The following BRINP3 variants were observed in gnomAD, a reference collection of about 807,000 sequenced individuals.
The protein encoded by BRINP3 is BMP/retinoic acid inducible neural specific 3.
A neutral mutation model predicts 71.0 loss-of-function variants in BRINP3; 19 were observed. The observed-to-expected ratio is 0.27, with a 90% confidence interval of 0.19 to 0.39. The LOEUF is 0.39. Ranked by LOEUF, BRINP3 falls within the 10% of genes least tolerant of loss-of-function variation. BRINP3 has a pLI of 1.00. For missense variants in BRINP3, 959 were observed against 940.8 expected, an observed-to-expected ratio of 1.02 and a Z score of -0.25; for synonymous variants, 380 against 337.7, an observed-to-expected ratio of 1.13 and a Z score of -1.37.
intron 2 of BRINP3, among the ~76,000 whole-genome samples, chr1:190,425,955 T>A (rs1244055966): frequency 6.6e-6 from 1 of 151,824 alleles, no homozygotes; most frequent in Non-Finnish European, 1.5e-5. Flanking sequence ...GCATTTTATT[T>A]TTAATCAGCA....
intron 6 of BRINP3, among the ~76,000 whole-genome samples, chr1:190,212,200 G>A (rs866086381): frequency 3.9e-5 from 6 of 151,938 alleles, no homozygotes; most frequent in Admixed American, 1.3e-4. Context: ...CCCATGAGAA[G>A]GCAATTATAT....
intron 2 of BRINP3, among the ~76,000 whole-genome samples, chr1:190,450,059 G>T (rs995579262): frequency 6.6e-6 from 1 of 152,002 alleles, no homozygotes; most frequent in Non-Finnish European, 1.5e-5. Flanking sequence ...ATTACATGGG[G>T]CATCCTTATT....
chr1:190,320,536 T>A (rs1666170168), intron 2 of BRINP3, among the ~76,000 whole-genome samples: 1 of 152,100 alleles, frequency 6.6e-6, no homozygotes. Flanking sequence ...TATTCATTCA[T>A]TCATTCATTT....
At chr1:190,442,071 T>C (rs1674860717) in intron 2 of BRINP3, among the ~76,000 whole-genome samples, 1 of 152,148 alleles carries the variant, frequency 6.6e-6, no homozygotes, top group African/African-American at 2.4e-5. Flanking sequence ...CCCTAAATCC[T>C]GAAACGATCA....
At chr1:190,187,499 T>C (rs1255352684) in intron 6 of BRINP3, among the ~76,000 whole-genome samples, 2 of 152,098 alleles carry the variant, frequency 1.3e-5, no homozygotes, top group African/African-American at 4.8e-5. Flanking sequence ...CTCCTATTAG[T>C]TTCATAATTT....
intron 1 of BRINP3, among the ~76,000 whole-genome samples, chr1:190,471,657 G>C (rs992378483): frequency 1.3e-5 from 2 of 151,280 alleles, no homozygotes; most frequent in Non-Finnish European, 3.0e-5. Flanking sequence ...ACTGTCTAAA[G>C]TTTCTCCATT....
rs10920704 is a variant in BRINP3, at chr1:190,361,610, G to T, written c.237-79860C>A. Among the ~76,000 whole-genome samples, 13 of 152,054 alleles carry T rather than the reference G, an allele frequency of 8.5e-5. No homozygotes were observed. In the East Asian group the frequency reaches 1.9e-3, roughly 23 times the overall value. ...TGGAGACAGGGTTTTCACCATGTTT[G>T]CCAGGATGGTCTCAATCTCTTGACC... On this transcript the variant is annotated intron_variant, in intron 2 of 7. Coordinates refer to ENST00000367462, the MANE Select transcript of BRINP3 (RefSeq NM_199051.3).
chr1:190,119,437 G>A lies in BRINP3; in HGVS notation c.1185-20303C>T, dbSNP rs531718855. Among the ~76,000 whole-genome samples the A allele has an allele frequency of 1.8e-3, 270 of 151,916 alleles. 1 individual carries two copies. Among genetic ancestry groups the A allele is most frequent in the African/African-American group, 6.1e-3 (255 of 41,464 alleles). On this transcript the variant is annotated intron_variant, in intron 7 of 7. Coordinates refer to ENST00000367462, the MANE Select transcript of BRINP3 (RefSeq NM_199051.3). ...ATTACAGGCACATGCCACCATGCCC[G>A]GCTAATTTTTCTATTTTTAGTAGAG...
chr1:190,200,175 C>A (rs1375688644), intron 6 of BRINP3, among the ~76,000 whole-genome samples: 3 of 152,112 alleles, frequency 2.0e-5, no homozygotes, highest in Non-Finnish European at 2.9e-5. Flanking sequence ...TTTGGAAAGA[C>A]AGATTTTGAG....
At chr1:190,425,871 C>A (rs1266818931) in intron 2 of BRINP3, among the ~76,000 whole-genome samples, 1 of 151,758 alleles carries the variant, frequency 6.6e-6, no homozygotes, top group East Asian at 1.9e-4. Flanking sequence ...ATCTTCCTCT[C>A]TAACGGTATT....
intron 6 of BRINP3, among the ~76,000 whole-genome samples, chr1:190,173,512 C>G (rs1652214129): frequency 6.6e-6 from 1 of 152,114 alleles, no homozygotes; most frequent in Non-Finnish European, 1.5e-5. Flanking sequence ...AGCACTGGCA[C>G]TACCACTTCA....
At chr1:190,174,719 T>C (rs1179303492) in intron 6 of BRINP3, among the ~76,000 whole-genome samples, 2 of 152,242 alleles carry the variant, frequency 1.3e-5, no homozygotes, top group East Asian at 1.9e-4. Context: ...GAGTTTAATA[T>C]GTAATGTTTC....
intron 7 of BRINP3, among the ~76,000 whole-genome samples, chr1:190,128,382 GTTAT>G (rs1473366871): frequency 1.3e-5 from 2 of 151,670 alleles, no homozygotes; most frequent in East Asian, 1.9e-4. Context: ...ATTACAATGT[GTTAT>G]TTAACTGACA....
chr1:190,378,120 C>G (rs931872278), intron 2 of BRINP3, among the ~76,000 whole-genome samples: 1 of 152,040 alleles, frequency 6.6e-6, no homozygotes, highest in Admixed American at 6.6e-5. Context: ...ACCTCAAAAC[C>G]TACTTCAAAG....
intron 2 of BRINP3, among the ~76,000 whole-genome samples, chr1:190,348,511 C>T (rs1292416869): frequency 6.6e-6 from 1 of 152,054 alleles, no homozygotes; most frequent in Non-Finnish European, 1.5e-5. Context: ...TCTGTCTGTG[C>T]TTATATGTCT....
chr1:190,192,214 C>T (rs556275868), intron 6 of BRINP3, among the ~76,000 whole-genome samples: 16 of 151,950 alleles, frequency 1.1e-4, no homozygotes, highest in Non-Finnish European at 1.9e-4. Flanking sequence ...TTAAAAAAGG[C>T]TTAAGCATGT....
chr1:190,395,213 A>C (rs1481427202), intron 2 of BRINP3, among the ~76,000 whole-genome samples: 1 of 151,738 alleles, frequency 6.6e-6, no homozygotes, highest in East Asian at 1.9e-4. Flanking sequence ...TTATTTTACT[A>C]GGTAATAACA....
chr1:190,442,260 A>C (rs1423330504), intron 2 of BRINP3, among the ~76,000 whole-genome samples: 6 of 152,148 alleles, frequency 3.9e-5, no homozygotes, highest in Admixed American at 3.9e-4. Flanking sequence ...TGTTTATTTA[A>C]ATCTAATTTT....
chr1:190,189,477 A>G (rs552221985), intron 6 of BRINP3, among the ~76,000 whole-genome samples: 1 of 151,732 alleles, frequency 6.6e-6, no homozygotes, highest in African/African-American at 2.4e-5. Context: ...TCCTCTTACT[A>G]TATATTTTCA....
Sources: gnomAD v4.1 joint callset for allele counts (sites outside exome capture counted in the v4.1 genomes callset) on GRCh38, gnomAD v4.1.1 for gene constraint, MANE v1.5 for transcripts, NCBI Gene and HGNC (gene_info 2026-07-23, HGNC 2026-07-21) for gene names.